The following ZC3H7A variants were observed in gnomAD, a reference collection of about 807,000 sequenced individuals.
ZC3H7A encodes the protein zinc finger CCCH-type containing 7A.
A neutral mutation model predicts 125.5 loss-of-function variants in ZC3H7A; 44 were observed. That is an observed-to-expected ratio of 0.35 (90% CI 0.28 to 0.45). The LOEUF (loss-of-function observed/expected upper bound fraction) is 0.45. Ranked by LOEUF, ZC3H7A falls within the 20% of genes least tolerant of loss-of-function variation. The pLI is 1.00. For missense variants in ZC3H7A, 977 were observed against 1,170.7 expected, an observed-to-expected ratio of 0.83 and a Z score of 2.41; for synonymous variants, 399 against 391.2, an observed-to-expected ratio of 1.02 and a Z score of -0.23.
chr16:11,782,399 A>G lies in ZC3H7A; in HGVS notation c.-34-11T>C, dbSNP rs1246690652. The G allele has an allele frequency of 6.2e-7, 1 of 1,612,162 alleles. No homozygotes were observed. Among genetic ancestry groups the G allele is most frequent in the African/African-American group, 1.3e-5 (1 of 74,868 alleles). On this transcript the variant is annotated splice_polypyrimidine_tract_variant and intron_variant, in intron 1 of 22. Coordinates refer to ENST00000355758, the MANE Select transcript of ZC3H7A (RefSeq NM_014153.4). ...TTCTAAATGAGCAATCTGGAAAGAA[A>G]CAAGGCAAAAAAGCACATAAGGTAC...
At chr16:11,781,647 TATAC>T (rs2053174936) in intron 2 of ZC3H7A, among the ~76,000 whole-genome samples, 183 bp from the exon 3 acceptor site, 2 of 84,956 alleles carry the variant, frequency 2.4e-5, no homozygotes, top group Non-Finnish European at 3.9e-5. Flanking sequence ...AAAAAATACA[TATAC>T]ATATATATAT....
chr16:11,763,643 A>C lies in ZC3H7A; in HGVS notation c.1837T>G (p.Leu613Val), dbSNP rs1262384048. ...GAGTATTTTACTGTTGTCTCTCGCA[A>C]AATGTGGACAAGGCACCTAAGATGA... ...FEDNKCLVHI[L>V]RETTVKYSKI... Residue 613 changes from leucine to valine, a missense_variant, in exon 16 of 23, where the codon TTG becomes GTG. This residue lies in a region of ZC3H7A where 436 missense variants were observed against 603.2 expected (regional missense o/e 0.72). Coordinates refer to ENST00000355758, the MANE Select transcript of ZC3H7A (RefSeq NM_014153.4). 1 of 1,576,196 alleles carries C rather than the reference A, an allele frequency of 6.3e-7. No individual in the cohort carries two copies. Among genetic ancestry groups the C allele is most frequent in the Non-Finnish European group, 8.6e-7 (1 of 1,158,270 alleles).
In ZC3H7A at chr16:11,768,556, T is replaced by A. The variant is rs1339947721; in HGVS notation, c.1174-55A>T. On this transcript the variant is annotated intron_variant, in intron 11 of 22. Transcript: ENST00000355758. ...AAAACAGCCAACAAATATTGCATTA[T>A]CACTGAAGAAAGGAACTGAATTCAT... 2.9e-6 allele frequency: 4 copies of A among 1,379,652 alleles called. No individual in the cohort carries two copies. In the African/African-American group the frequency reaches 5.8e-5, roughly 20 times the overall value. The allele number at this position is 1,379,652 out of a possible 1,614,324, so 85.5% of individuals were successfully genotyped here.
Position 11,768,307 on chromosome 16 carries a change from G to T in ZC3H7A, c.1360+8C>A, listed in dbSNP as rs372695700. 8 of 1,522,502 alleles carry T rather than the reference G, an allele frequency of 5.3e-6. No homozygotes were observed. In the Admixed American group the frequency reaches 1.5e-4, roughly 29 times the overall value. The allele number at this position is 1,522,502 out of a possible 1,614,324, so 94.3% of individuals were successfully genotyped here. A position where few individuals can be genotyped will look rare whatever the true frequency, so the allele number is the denominator to read the frequency against. On this transcript the variant is annotated splice_region_variant and intron_variant, in intron 12 of 22. Coordinates refer to ENST00000355758, the MANE Select transcript of ZC3H7A (RefSeq NM_014153.4). ...TTAATACTCTCTGCGTGTTTGTTTG[G>T]TCCTGACCTGATTTTACAAAACAGA...
chr16:11,767,321 G>T (rs2052877385), intron 13 of ZC3H7A, 96 bp downstream of exon 13: 1 of 1,023,410 alleles, frequency 9.8e-7, no homozygotes. Flanking sequence ...TTCCCCTAAT[G>T]ATGCATTTCT....
chr16:11,758,435 A>G lies in ZC3H7A; in HGVS notation c.2424T>C (p.Asn808=), dbSNP rs2052689171. The G allele has an allele frequency of 6.2e-7, 1 of 1,609,584 alleles. No homozygotes were observed. The highest frequency in any genetic ancestry group is 1.3e-5 in the African/African-American group (1 of 74,816). The stretch of plus-strand genomic sequence containing the variant: ...ACAGCTAAAAGATTAACTTACTCCC[A>G]TTCTCCTTCATGTAAGTCCAAACTT... The part of the protein sequence containing the change: ...EREVWTYMKE[N]GIQDMEQFYE... Residue 808 remains asparagine (N), a synonymous_variant, in exon 20 of 23, where the codon AAT becomes AAC. Coordinates refer to ENST00000355758, the MANE Select transcript of ZC3H7A (RefSeq NM_014153.4).
At chr16:11,763,013 A>C in intron 16 of ZC3H7A, 1 of 353,636 alleles carries the variant, frequency 2.8e-6, no homozygotes. Flanking sequence ...CACACTCAAA[A>C]TAGGCAACTC....
intron 6 of ZC3H7A, 33 bp downstream of exon 6, chr16:11,776,419 T>C (rs1187032771): frequency 6.2e-7 from 1 of 1,600,648 alleles, no homozygotes; most frequent in Non-Finnish European, 8.5e-7. Context: ...TAAAACAAAA[T>C]GAAAACACCT....
chr16:11,791,116 C>CACAA (rs1326127195), intron 1 of ZC3H7A, among the ~76,000 whole-genome samples: 1 of 151,320 alleles, frequency 6.6e-6, no homozygotes. Context: ...CACACACACA[C>CACAA]ACACACACAC....
chr16:11,776,228 A>C, intron 7 of ZC3H7A, 92 bp downstream of exon 7: 1 of 1,334,268 alleles, frequency 7.5e-7, no homozygotes, highest in Non-Finnish European at 1.0e-6. Context: ...AAGGTTCCAA[A>C]AATAAACACA....
chr16:11,770,316 G>A (rs1006358391), intron 10 of ZC3H7A, among the ~76,000 whole-genome samples: 1 of 152,118 alleles, frequency 6.6e-6, no homozygotes, highest in African/African-American at 2.4e-5. Context: ...GCAATCTCCT[G>A]TAAAGTTAAA....
chr16:11,756,535 A>G (rs2052652144), intron 20 of ZC3H7A, among the ~76,000 whole-genome samples, 165 bp from the exon 21 acceptor site: 1 of 152,240 alleles, frequency 6.6e-6, no homozygotes, highest in African/African-American at 2.4e-5. Context: ...TTCAAGCAGC[A>G]GGTAAACTCT....
intron 19 of ZC3H7A, chr16:11,759,105 T>C (rs1277514594): frequency 6.6e-6 from 1 of 152,284 alleles, no homozygotes; most frequent in Non-Finnish European, 1.5e-5. Context: ...ATAATACCTC[T>C]TCAGGTTATT....
intron 16 of ZC3H7A, chr16:11,762,971 T>C (rs567809395): frequency 4.3e-6 from 2 of 462,078 alleles, no homozygotes; most frequent in African/African-American, 4.0e-5. Flanking sequence ...ATTGCATGTA[T>C]CAACTTGTAT....
chr16:11,784,628 G>C (rs953364215), intron 1 of ZC3H7A, among the ~76,000 whole-genome samples: 1 of 152,154 alleles, frequency 6.6e-6, no homozygotes, highest in African/African-American at 2.4e-5. Context: ...GCCGAGGCGA[G>C]TGGATCACCC....
intron 1 of ZC3H7A, among the ~76,000 whole-genome samples, chr16:11,792,796 C>T (rs1307039078): frequency 6.6e-6 from 1 of 152,222 alleles, no homozygotes; most frequent in Non-Finnish European, 1.5e-5. Flanking sequence ...CTCTTCTGCA[C>T]ATTACGTGCC....
chr16:11,779,745 T>C (rs188230714), intron 3 of ZC3H7A, among the ~76,000 whole-genome samples: 2 of 152,354 alleles, frequency 1.3e-5, no homozygotes, highest in East Asian at 1.9e-4. Context: ...AAAATGTTTC[T>C]AGTGGTTTAC....
At chr16:11,789,776 C>G (rs2053319648) in intron 1 of ZC3H7A, among the ~76,000 whole-genome samples, 1 of 151,970 alleles carries the variant, frequency 6.6e-6, no homozygotes, top group South Asian at 2.1e-4. Context: ...CTAAGTATCC[C>G]TTTAAAGAAC....
At chr16:11,776,293 T>G in intron 7 of ZC3H7A, 27 bp downstream of exon 7, 1 of 1,582,892 alleles carries the variant, frequency 6.3e-7, no homozygotes, top group Admixed American at 1.9e-5. Flanking sequence ...AAAAAAAATA[T>G]AATTTTGACA....
Sources: gnomAD v4.1 joint callset for allele counts (sites outside exome capture counted in the v4.1 genomes callset) on GRCh38, gnomAD v4.1.1 for gene constraint, gnomAD v4.1.1 regional missense constraint, MANE v1.5 for transcripts, NCBI Gene and HGNC (gene_info 2026-07-23, HGNC 2026-07-21) for gene names.